GAS6: variants seen among roughly 807,000 people sequenced by gnomAD.
GAS6 encodes the protein growth arrest-specific protein 6.
In GAS6, 41 loss-of-function variants were observed where a neutral mutation model predicts 75.8. That is an observed-to-expected ratio of 0.54 (90% confidence interval 0.42 to 0.70). GAS6 has a LOEUF of 0.70. Among genes scored for constraint, GAS6 ranks in the 30% least tolerant of loss-of-function variants. GAS6 has a pLI of 0.00. For missense variants in GAS6, 854 were observed against 940.2 expected (o/e 0.91, Z 1.20); for synonymous variants, 432 against 412.6 (o/e 1.05, Z -0.57).
At chr13:113,851,952 C>T (rs1023216381) in intron 2 of GAS6, among the ~76,000 whole-genome samples, 5 of 152,146 alleles carry the variant, frequency 3.3e-5, no homozygotes, top group African/African-American at 9.7e-5. Flanking sequence ...GCCCACTGCA[C>T]GGAGGATGCA....
chr13:113,842,896 G>A, intron 4 of GAS6: 3 of 397,056 alleles, frequency 7.6e-6, no homozygotes, highest in Non-Finnish European at 1.3e-5. Context: ...GAGGCTGAGG[G>A]ACAGTGCCTG....
rs139315352 is a variant in GAS6, at chr13:113,856,719, C to T, written c.255+6856G>A. On this transcript the variant is annotated intron_variant, in intron 2 of 14. Coordinates refer to ENST00000327773, the MANE Select transcript of GAS6 (RefSeq NM_000820.4). ...TAAAAAGGAAGTGAACAGTATCTTC[C>T]AGGTGTGGTGGAGACAGTCCAGACA... is the stretch of plus-strand genomic sequence containing the variant. 5.3e-3 allele frequency among the ~76,000 whole-genome samples: 802 copies of T among 152,336 alleles called. 4 individuals are homozygous for T. Among genetic ancestry groups the T allele is most frequent in the African/African-American group, 0.018 (768 of 41,560 alleles).
chr13:113,838,828 G>A (rs1260582520), intron 5 of GAS6, among the ~76,000 whole-genome samples: 1 of 150,514 alleles, frequency 6.6e-6, no homozygotes, highest in Non-Finnish European at 1.5e-5. Context: ...GAGCCTGGGA[G>A]TGCACAGCCC....
intron 4 of GAS6, chr13:113,840,948 C>G (rs970306990): frequency 6.6e-6 from 1 of 152,334 alleles, no homozygotes; most frequent in Non-Finnish European, 1.5e-5. Context: ...GCCGGGCCAG[C>G]AGGGCCCTAG....
At chr13:113,830,665 C>CT (rs776968771) in intron 10 of GAS6, among the ~76,000 whole-genome samples, 1 of 111,502 alleles carries the variant, frequency 9.0e-6, no homozygotes, top group Non-Finnish European at 1.7e-5. Flanking sequence ...ACACCGCTCC[C>CT]CCAGGCGACC....
chr13:113,832,106 A>G (rs938640333), intron 10 of GAS6, among the ~76,000 whole-genome samples, 193 bp downstream of exon 10: 1 of 146,130 alleles, frequency 6.8e-6, no homozygotes, highest in Non-Finnish European at 1.5e-5. Context: ...CCCCCGGAGC[A>G]TGAACTAAAC....
intron 2 of GAS6, among the ~76,000 whole-genome samples, chr13:113,854,528 T>C (rs573707896): frequency 3.3e-5 from 5 of 152,336 alleles, no homozygotes; most frequent in Non-Finnish European, 7.4e-5. Flanking sequence ...ACACAGAGCA[T>C]GCTCCCGACA....
At chr13:113,833,722 C>T (rs111380517) in intron 8 of GAS6, 93 of 858,964 alleles carry the variant, frequency 1.1e-4, no homozygotes, top group East Asian at 4.0e-4. Flanking sequence ...TGACAGGCAC[C>T]GGTGTGACAG....
chr13:113,858,876 A>T (rs111068252), intron 2 of GAS6, among the ~76,000 whole-genome samples: 19,481 of 108,638 alleles, frequency 0.18, 2,209 homozygotes, highest in African/African-American at 0.41. Flanking sequence ...TGTGTACATG[A>T]CTATGTAAGT....
At position 113,834,702 on chromosome 13, in the gene GAS6, C is replaced by T. The variant is rs780953394; in HGVS notation, c.713-30G>A. 2.6e-5 allele frequency: 39 copies of T among 1,501,628 alleles called. No homozygotes were observed. In the Middle Eastern group the frequency reaches 5.5e-4, roughly 21 times the overall value. The allele number at this position is 1,501,628 out of a possible 1,614,324, so 93.0% of individuals were successfully genotyped here. A position where few individuals can be genotyped will look rare whatever the true frequency, so the allele number is the denominator to read the frequency against. On this transcript the variant is annotated intron_variant, in intron 7 of 14. Coordinates refer to ENST00000327773, the MANE Select transcript of GAS6 (RefSeq NM_000820.4). ...CAGCCAGAGGGAAGCGGCGGTGAGCCGGGGAGGCCTCTACGCTGTCCCGCC... is the reference window on the plus strand; with the variant it reads ...CAGCCAGAGGGAAGCGGCGGTGAGCTGGGGAGGCCTCTACGCTGTCCCGCC...
chr13:113,831,275 T>G (rs1267636581), intron 10 of GAS6, among the ~76,000 whole-genome samples: 2 of 152,220 alleles, frequency 1.3e-5, no homozygotes, highest in African/African-American at 4.8e-5. Flanking sequence ...GCAGCTCCCG[T>G]GAGGTCACCT....
intron 2 of GAS6, among the ~76,000 whole-genome samples, chr13:113,855,337 G>C (rs910996133): frequency 1.3e-5 from 2 of 152,190 alleles, no homozygotes; most frequent in Non-Finnish European, 2.9e-5. Flanking sequence ...AACTGGGACT[G>C]GTCCCTCAAT....
chr13:113,825,302 C>T (rs773289188), intron 12 of GAS6, among the ~76,000 whole-genome samples: 1 of 149,500 alleles, frequency 6.7e-6, no homozygotes, highest in Admixed American at 6.7e-5. Flanking sequence ...GCCATCGGGG[C>T]TTCACAAGGG....
intron 8 of GAS6, chr13:113,833,522 G>C: frequency 1.0e-6 from 1 of 995,038 alleles, no homozygotes; most frequent in Non-Finnish European, 1.2e-6. Context: ...GGAAAGACAA[G>C]AGCCGCCCTG....
intron 2 of GAS6, among the ~76,000 whole-genome samples, chr13:113,851,019 G>A (rs1423937401): frequency 6.6e-6 from 1 of 152,024 alleles, no homozygotes; most frequent in Non-Finnish European, 1.5e-5. Context: ...GGATGAATGA[G>A]TGAATGGGAA....
chr13:113,824,893 C>T (rs1236586094), intron 12 of GAS6, among the ~76,000 whole-genome samples: 4 of 152,292 alleles, frequency 2.6e-5, no homozygotes, highest in Admixed American at 6.5e-5. Context: ...TTCCCATAAC[C>T]TGTGAAGGGA....
intron 2 of GAS6, among the ~76,000 whole-genome samples, chr13:113,856,062 A>G (rs1213569082): frequency 2.6e-5 from 4 of 152,174 alleles, no homozygotes; most frequent in Non-Finnish European, 4.4e-5. Flanking sequence ...CTCAAGTTCA[A>G]ACACAAAACC....
At chr13:113,851,955 A>G (rs1299424797) in intron 2 of GAS6, among the ~76,000 whole-genome samples, 1 of 152,184 alleles carries the variant, frequency 6.6e-6, no homozygotes, top group East Asian at 1.9e-4. Flanking sequence ...CACTGCACGG[A>G]GGATGCAGCC....
At position 113,834,618 on chromosome 13, in the gene GAS6, C is replaced by T; in HGVS notation, c.767G>A (p.Gly256Glu). 1 of 1,606,908 alleles carries T rather than the reference C, an allele frequency of 6.2e-7. No individual in the cohort carries two copies. The highest frequency in any genetic ancestry group is 8.5e-7 in the Non-Finnish European group (1 of 1,177,498). ...RCEQVCVNSP[G>E]SYTCHCDGRG... is the part of the protein sequence containing the mutation. ...CCCGTCACAGTGGCAGGTGTAGCTC[C>T]CTGGGGAGTTCACGCAGACCTGCTC... The change falls in exon 8 of 15, where the codon GGG (glycine) becomes GAG (glutamate). Residue 256 changes from glycine (G) to glutamate (E), a missense_variant. Physicochemically the swap from Gly to Glu is moderately conservative, Grantham distance 98. Coordinates refer to ENST00000327773, the MANE Select transcript of GAS6 (RefSeq NM_000820.4).
Sources: allele counts gnomAD v4.1 joint callset (sites outside exome capture counted in the v4.1 genomes callset), GRCh38; gene constraint gnomAD v4.1.1; transcripts MANE v1.5; gene names NCBI Gene and HGNC (gene_info 2026-07-23, HGNC 2026-07-21).